MGLL: variants seen among roughly 807,000 people sequenced by gnomAD.
MGLL encodes the protein lysophospholipase homolog.
In MGLL, 7 loss-of-function variants were observed where a neutral mutation model predicts 29.1. The ratio of observed to expected loss-of-function variants is 0.24; its 90% confidence interval spans 0.14 to 0.45. The LOEUF (loss-of-function observed/expected upper bound fraction) is 0.45, where lower values mean the gene tolerates loss of function less well. Among genes scored for constraint, MGLL ranks in the 20% least tolerant of loss-of-function variants. The pLI is 0.99. For missense variants in MGLL, 356 were observed against 413.6 expected, an observed-to-expected ratio of 0.86 and a Z score of 1.21; for synonymous variants, 148 against 168.3, an observed-to-expected ratio of 0.88 and a Z score of 0.93.
At chr3:127,745,580 G>A (rs886874276) in intron 3 of MGLL, among the ~76,000 whole-genome samples, 1 of 152,152 alleles carries the variant, frequency 6.6e-6, no homozygotes, top group African/African-American at 2.4e-5. Flanking sequence ...GATGACTTAT[G>A]GGTACAATGT....
intron 2 of MGLL, among the ~76,000 whole-genome samples, chr3:127,815,521 C>T (rs2077738866): frequency 6.6e-6 from 1 of 152,240 alleles, no homozygotes; most frequent in Non-Finnish European, 1.5e-5. Flanking sequence ...GCCTTCTTTG[C>T]CTTGCGCCTA....
intron 2 of MGLL, among the ~76,000 whole-genome samples, chr3:127,800,664 C>T (rs1022331005): frequency 6.6e-6 from 1 of 152,198 alleles, no homozygotes; most frequent in African/African-American, 2.4e-5. Flanking sequence ...TATGTTGGTC[C>T]CCTGTGTGGT....
chr3:127,766,232 G>T (rs1268105483), intron 3 of MGLL, among the ~76,000 whole-genome samples: 1 of 152,004 alleles, frequency 6.6e-6, no homozygotes, highest in Non-Finnish European at 1.5e-5. Context: ...TTTTGCTTTT[G>T]AAGCATGTCT....
intron 6 of MGLL, among the ~76,000 whole-genome samples, chr3:127,701,919 G>A (rs1242462285): frequency 3.3e-5 from 5 of 152,058 alleles, no homozygotes; most frequent in East Asian, 1.9e-4. Context: ...AGACACCCTC[G>A]CCAACATCCA....
At chr3:127,704,736 A>G (rs988419477) in intron 6 of MGLL, among the ~76,000 whole-genome samples, 4 of 152,236 alleles carry the variant, frequency 2.6e-5, no homozygotes, top group Non-Finnish European at 5.9e-5. Flanking sequence ...AAAAGTCAAG[A>G]AACAACAGTT....
chr3:127,779,050 T>C (rs111967946), intron 3 of MGLL, among the ~76,000 whole-genome samples: 2,178 of 152,254 alleles, frequency 0.014, 36 homozygotes, highest in Non-Finnish European at 0.023. Flanking sequence ...CCATTGCACC[T>C]TGCCTGCTTT....
chr3:127,700,171 ACT>A (rs2075451488), intron 6 of MGLL, among the ~76,000 whole-genome samples: 1 of 152,150 alleles, frequency 6.6e-6, no homozygotes, highest in East Asian at 1.9e-4. Context: ...AGTGCATGAC[ACT>A]CTACCTGAGT....
chr3:127,796,047 T>C (rs2077377234), intron 2 of MGLL, among the ~76,000 whole-genome samples: 1 of 152,204 alleles, frequency 6.6e-6, no homozygotes, highest in South Asian at 2.1e-4. Context: ...ATCAACACTT[T>C]GCAGTGAGGG....
chr3:127,729,530 G>T (rs1412668981), intron 3 of MGLL, among the ~76,000 whole-genome samples: 1 of 151,962 alleles, frequency 6.6e-6, no homozygotes, highest in Non-Finnish European at 1.5e-5. Flanking sequence ...AAAGTGTACC[G>T]ATTTAGTGGC....
At chr3:127,725,149 C>T (rs1003448907) in intron 3 of MGLL, among the ~76,000 whole-genome samples, 2 of 152,132 alleles carry the variant, frequency 1.3e-5, no homozygotes, top group African/African-American at 4.8e-5. Flanking sequence ...TTTACCCCAT[C>T]CTCTTCCGAG....
chr3:127,701,298 G>C (rs2075479862), intron 6 of MGLL, among the ~76,000 whole-genome samples: 1 of 151,476 alleles, frequency 6.6e-6, no homozygotes, highest in South Asian at 2.1e-4. Context: ...AAGTTGGCCT[G>C]AATTTGGAAC....
intron 3 of MGLL, among the ~76,000 whole-genome samples, chr3:127,758,596 CG>C (rs1435143119): frequency 1.3e-5 from 2 of 152,190 alleles, no homozygotes; most frequent in Non-Finnish European, 2.9e-5. Context: ...TGGTGTGTTC[CG>C]TTGTTAGTGC....
intron 3 of MGLL, among the ~76,000 whole-genome samples, chr3:127,779,013 C>G (rs1385552957): frequency 2.0e-5 from 3 of 152,204 alleles, no homozygotes; most frequent in Non-Finnish European, 2.9e-5. Context: ...CCTCAGCCTC[C>G]CAAAGTGCTG....
Position 127,810,476 on chromosome 3 carries a change from G to A in MGLL, c.155+11218C>T, listed in dbSNP as rs561543728. On this transcript the variant is annotated intron_variant, in intron 2 of 7. Transcript: ENST00000265052. ...TGCCTGTGAGAGTGTGATTCCCTTC[G>A]GCCCAGAATGTCCCTTTCTACCTTC... is the stretch of plus-strand genomic sequence containing the variant. Among the ~76,000 whole-genome samples, 22 of 152,142 alleles carry A rather than the reference G, an allele frequency of 1.4e-4. No individual in the cohort carries two copies. In the East Asian group the frequency reaches 1.5e-3, roughly 11 times the overall value.
chr3:127,695,153 G>GC lies in MGLL; in HGVS notation c.637dup (p.Ala213GlyfsTer41). 1 of 1,614,180 alleles carries GC rather than the reference G, an allele frequency of 6.2e-7. No individual in the cohort carries two copies. The highest frequency in any genetic ancestry group is 8.5e-7 in the Non-Finnish European group (1 of 1,180,042). On this transcript the variant is annotated frameshift_variant, in exon 7 of 8. Coordinates refer to ENST00000265052, the MANE Select transcript of MGLL (RefSeq NM_007283.7). LOFTEE classifies it high-confidence loss of function. The stretch of plus-strand genomic sequence containing the variant: ...GATGCCGAAGCACACCTTCAGCCCT[G>GC]CCCGGCAGATCAGGGGGTCTGAGTT...
At chr3:127,790,259 G>T (rs947722951) in intron 2 of MGLL, among the ~76,000 whole-genome samples, 2 of 152,212 alleles carry the variant, frequency 1.3e-5, no homozygotes, top group African/African-American at 2.4e-5. Flanking sequence ...GGTAATGAGT[G>T]AAACACGAGC....
intron 5 of MGLL, chr3:127,712,550 G>T (rs1346377426): frequency 6.6e-6 from 1 of 152,272 alleles, no homozygotes; most frequent in Non-Finnish European, 1.5e-5. Context: ...CCCTGCCTCT[G>T]AGGATACCGA....
chr3:127,724,852 A>G (rs1029611845), intron 3 of MGLL, among the ~76,000 whole-genome samples: 3 of 151,682 alleles, frequency 2.0e-5, no homozygotes, highest in Non-Finnish European at 4.4e-5. Flanking sequence ...CTACCTCACA[A>G]CCCTGGGGAC....
chr3:127,742,131 G>A (rs2076351520), intron 3 of MGLL, among the ~76,000 whole-genome samples: 1 of 152,160 alleles, frequency 6.6e-6, no homozygotes, highest in Non-Finnish European at 1.5e-5. Flanking sequence ...AACTAAAAAT[G>A]CTTTTCAACT....
Sources: allele counts gnomAD v4.1 joint callset (sites outside exome capture counted in the v4.1 genomes callset), GRCh38; gene constraint gnomAD v4.1.1; transcripts MANE v1.5; gene names NCBI Gene and HGNC (gene_info 2026-07-23, HGNC 2026-07-21).